The following MBNL1 variants were observed in gnomAD, a reference collection of about 807,000 sequenced individuals.
MBNL1 encodes muscleblind like splicing regulator 1.
MBNL1 carries 8 observed loss-of-function variants against 42.2 expected under a neutral mutation model. The observed-to-expected ratio is 0.19, with a 90% confidence interval of 0.11 to 0.34. The LOEUF (loss-of-function observed/expected upper bound fraction) is 0.34. Ranked by LOEUF, MBNL1 falls within the 10% of genes least tolerant of loss-of-function variation. The probability of loss-of-function intolerance (pLI) is 1.00; values close to 1 mark genes in which losing one functional copy is unlikely to be tolerated. For synonymous variants in MBNL1, 169 were observed against 173.9 expected, an observed-to-expected ratio of 0.97 and a Z score of 0.22; for missense variants, 309 against 495.3, an observed-to-expected ratio of 0.62 and a Z score of 3.57.
At chr3:152,314,336 C>T (rs2069084921) in intron 2 of MBNL1, among the ~76,000 whole-genome samples, 1 of 151,310 alleles carries the variant, frequency 6.6e-6, no homozygotes, top group South Asian at 2.1e-4. Context: ...CGATAGGGAT[C>T]CAATTCTAGC....
intron 2 of MBNL1, among the ~76,000 whole-genome samples, chr3:152,381,695 CAT>C (rs2097187304): frequency 4.6e-5 from 7 of 151,818 alleles, no homozygotes; most frequent in Admixed American, 4.6e-4. Context: ...TTTTCATTCA[CAT>C]GTTAATTTCC....
At chr3:152,438,114 G>GT in intron 4 of MBNL1, among the ~76,000 whole-genome samples, 1 of 152,256 alleles carries the variant, frequency 6.6e-6, no homozygotes, top group Non-Finnish European at 1.5e-5. Flanking sequence ...AGAAATCATT[G>GT]TTTGACTTAT....
At chr3:152,340,955 A>C in intron 2 of MBNL1, 1 of 1,513,314 alleles carries the variant, frequency 6.6e-7, no homozygotes, top group Non-Finnish European at 8.8e-7. Flanking sequence ...GCCTGCACCT[A>C]TACCACTTTC....
At chr3:152,368,416 T>C (rs1161224778) in intron 2 of MBNL1, among the ~76,000 whole-genome samples, 1 of 152,252 alleles carries the variant, frequency 6.6e-6, no homozygotes, top group Admixed American at 6.5e-5. Context: ...TATTGTAGCC[T>C]TGTAGTACAG....
rs538685734 is a variant in MBNL1, at chr3:152,390,059, G to A, written c.175-24882G>A. 5.3e-5 allele frequency among the ~76,000 whole-genome samples: 8 copies of A among 151,248 alleles called. No individual in the cohort carries two copies. The East Asian group carries it at 1.2e-3, about 22-fold the overall frequency. ...TAATTTTTGTATTTTTAGTAGAGAC[G>A]GGGTTTCACCATATTGGCCAGGCTG... On this transcript the variant is annotated intron_variant, in intron 2 of 9. Transcript: ENST00000324210.
chr3:152,332,692 T>TTGTGTGTG (rs71144115), intron 2 of MBNL1, among the ~76,000 whole-genome samples: 92 of 132,986 alleles, frequency 6.9e-4, no homozygotes, highest in Non-Finnish European at 8.6e-4. Context: ...TTTCATGGTT[T>TTGTGTGTG]TGTGTGTGTG....
rs199936643 is a variant in MBNL1 at position 152,455,593 on chromosome 3, G to C, written c.997+16G>C. ...ACAAGTGTTGGTAGGTGCCAGCTTT[G>C]TTTCTTGATTATCTTAAACCTATGG... On this transcript the variant is annotated intron_variant, in intron 7 of 9. Transcript: ENST00000324210. 1 of 1,612,316 alleles carries C rather than the reference G, an allele frequency of 6.2e-7. No homozygotes were observed. The highest frequency in any genetic ancestry group is 8.5e-7 in the Non-Finnish European group (1 of 1,178,600).
At chr3:152,427,682 C>T (rs2098950790) in intron 3 of MBNL1, among the ~76,000 whole-genome samples, 1 of 151,476 alleles carries the variant, frequency 6.6e-6, no homozygotes, top group African/African-American at 2.4e-5. Flanking sequence ...CAGAAACATG[C>T]TTTCATATAC....
chr3:152,381,317 A>AGT (rs746975928), intron 2 of MBNL1, among the ~76,000 whole-genome samples: 2 of 152,132 alleles, frequency 1.3e-5, no homozygotes, highest in Non-Finnish European at 2.9e-5. Flanking sequence ...TTCAGGCAGG[A>AGT]GTAGAAAAAG....
chr3:152,343,645 G>A (rs2093733913), intron 2 of MBNL1, among the ~76,000 whole-genome samples: 5 of 152,110 alleles, frequency 3.3e-5, no homozygotes, highest in Admixed American at 3.3e-4. Context: ...CCTGGGGATG[G>A]GGGTGGGTGC....
chr3:152,432,881 A>G lies in MBNL1; in HGVS notation c.510A>G (p.Ala170=), dbSNP rs200908469. ...NPGVPVPAAA[A]AAAQKLMRTD... ...GTGTCCCTGTACCTGCAGCTGCTGC[A>G]GCTGCTGCACAGAAATTAATGCGAA... is the stretch of plus-strand genomic sequence containing the variant. The change falls in exon 4 of 10, where the codon GCA becomes GCG. Residue 170 remains alanine, a synonymous_variant. Transcript: ENST00000324210. 30 of 1,614,032 alleles carry G rather than the reference A, an allele frequency of 1.9e-5. No homozygotes were observed. In the Middle Eastern group the frequency reaches 6.6e-4, roughly 36 times the overall value.
intron 2 of MBNL1, among the ~76,000 whole-genome samples, chr3:152,315,824 A>G (rs2070622960): frequency 6.6e-6 from 1 of 151,966 alleles, no homozygotes; most frequent in African/African-American, 2.4e-5. Context: ...AAGTTTCTAC[A>G]GATAATAGTG....
chr3:152,436,849 A>G (rs1024881494), intron 4 of MBNL1, among the ~76,000 whole-genome samples: 3 of 152,144 alleles, frequency 2.0e-5, no homozygotes, highest in African/African-American at 7.2e-5. Flanking sequence ...ATCAACTGTC[A>G]TTTCCCTTTT....
chr3:152,271,136 T>A (rs149210394), intron 1 of MBNL1, among the ~76,000 whole-genome samples: 2 of 152,202 alleles, frequency 1.3e-5, no homozygotes, highest in African/African-American at 4.8e-5. Context: ...TGAAGTGTTA[T>A]ATGGTTTGAG....
rs967154880 is a variant in MBNL1 at position 152,447,645 on chromosome 3, C to A, written c.833C>A (p.Pro278Gln). ...GGAATTCCTCAAGCTGTACTTCCCC[C>A]ATTACCAAAGAGGCCTGCTCTTGAA... is the stretch of plus-strand genomic sequence containing the variant. The part of the protein sequence containing the change: ...AMGIPQAVLP[P>Q]LPKRPALEKT... Residue 278 changes from proline (P) to glutamine (Q), a missense_variant, in exon 6 of 10, where the codon CCA (proline) becomes CAA (glutamine). Coordinates refer to ENST00000324210, the MANE Select transcript of MBNL1 (RefSeq NM_021038.5). 1.2e-6 allele frequency: 2 copies of A among 1,613,596 alleles called. No homozygotes were observed. The highest frequency in any genetic ancestry group is 1.7e-6 in the Non-Finnish European group (2 of 1,179,730).
At chr3:152,277,656 TGGAA>T (rs2046051338) in intron 1 of MBNL1, among the ~76,000 whole-genome samples, 1 of 152,166 alleles carries the variant, frequency 6.6e-6, no homozygotes, top group Non-Finnish European at 1.5e-5. Flanking sequence ...AAAGCTTTAT[TGGAA>T]TACTTACATG....
At chr3:152,437,777 CTTT>C (rs5853584) in intron 4 of MBNL1, among the ~76,000 whole-genome samples, 1 of 145,346 alleles carries the variant, frequency 6.9e-6, no homozygotes, top group Non-Finnish European at 1.5e-5. Flanking sequence ...AAAATTCATA[CTTT>C]TTTTTTTTTT....
intron 2 of MBNL1, among the ~76,000 whole-genome samples, chr3:152,260,597 C>T (rs1195281235): frequency 2.0e-5 from 3 of 152,148 alleles, no homozygotes; most frequent in East Asian, 3.9e-4. Context: ...GCCAAGGACA[C>T]ACTTTATCTC....
In MBNL1 at chr3:152,297,761, A is replaced by G. The variant is rs368619728; in HGVS notation, c.-789-1644A>G. The stretch of plus-strand genomic sequence containing the variant: ...AGCTTCCGCCTCCCGGGTTCAAGTG[A>G]TTCTTCTGCCTCAGCCTCCTGAGTA... On this transcript the variant is annotated intron_variant, in intron 1 of 9. Coordinates refer to ENST00000324210, the MANE Select transcript of MBNL1 (RefSeq NM_021038.5). Among the ~76,000 whole-genome samples, 13 of 152,054 alleles carry G rather than the reference A, an allele frequency of 8.5e-5. No individual in the cohort carries two copies. In the South Asian group the frequency reaches 2.7e-3, roughly 32 times the overall value.
Sources: allele counts gnomAD v4.1 joint callset (sites outside exome capture counted in the v4.1 genomes callset), GRCh38; gene constraint gnomAD v4.1.1; transcripts MANE v1.5; gene names NCBI Gene and HGNC (gene_info 2026-07-23, HGNC 2026-07-21).